The following CANX variants were observed in gnomAD, a reference collection of about 807,000 sequenced individuals.
CANX encodes epididymis secretory sperm binding protein.
A neutral mutation model predicts 75.7 loss-of-function variants in CANX; 14 were observed. The ratio of observed to expected loss-of-function variants is 0.19; its 90% CI spans 0.12 to 0.29. The LOEUF (loss-of-function observed/expected upper bound fraction) is 0.29, where lower values mean the gene tolerates loss of function less well. Among genes scored for constraint, CANX ranks in the 10% least tolerant of loss-of-function variants. CANX has a pLI of 1.00. For missense variants in CANX, 567 were observed against 713.2 expected (o/e 0.79, Z 2.34); for synonymous variants, 227 against 236.9 (o/e 0.96, Z 0.38).
At position 179,706,290 on chromosome 5, in the gene CANX, A is replaced by T. The variant is rs1777133788; in HGVS notation, c.204A>T (p.Glu68Asp). 1 of 1,601,182 alleles carries T rather than the reference A, an allele frequency of 6.2e-7. No homozygotes were observed. Among genetic ancestry groups the T allele is most frequent in the African/African-American group, 1.3e-5 (1 of 74,666 alleles). ...VTYKAPVPTGEVYFADSFDRG... is the reference protein window; with the variant it reads ...VTYKAPVPTGDVYFADSFDRG... ...ACAAAGCTCCAGTTCCAACAGGGGA[A>T]GTATATTTTGCTGATTCTTTTGACA... Residue 68 changes from glutamate (E) to aspartate (D), a missense_variant, in exon 3 of 15, where the codon GAA becomes GAT. Glu to Asp is a conservative substitution (Grantham distance 45). Coordinates refer to ENST00000247461, the MANE Select transcript of CANX (RefSeq NM_001746.4).
chr5:179,679,626 C>T (rs184691688), intron 1 of CANX, among the ~76,000 whole-genome samples: 96 of 152,090 alleles, frequency 6.3e-4, no homozygotes, highest in African/African-American at 2.2e-3. Flanking sequence ...AAATGGAGAA[C>T]TTCTAGGCAG....
upstream of CANX, among the ~76,000 whole-genome samples, chr5:179,695,652 T>A (rs1279873655): frequency 9.4e-5 from 14 of 148,798 alleles, no homozygotes; most frequent in Non-Finnish European, 1.8e-4. Context: ...TTATTTATTT[T>A]TATTTTTATT....
chr5:179,678,772 C>T (rs747878847), exon 1 of CANX: 3 of 1,536,972 alleles, frequency 2.0e-6, no homozygotes, highest in African/African-American at 2.7e-5. Flanking sequence ...CCTGCTGCAG[C>T]TTCAGGTAGT....
intron 7 of CANX, among the ~76,000 whole-genome samples, chr5:179,711,488 G>C (rs181619789): frequency 9.0e-4 from 136 of 151,750 alleles, no homozygotes; most frequent in African/African-American, 3.2e-3. Flanking sequence ...ATAATTTTAA[G>C]AATAGAATAG....
At chr5:179,698,534 C>G (rs1008387784), upstream of CANX, 83 of 1,289,446 alleles carry the variant, frequency 6.4e-5, 1 homozygote, top group Admixed American at 1.9e-3. Flanking sequence ...CCCCTTTTGC[C>G]GGCTGCCGTT....
intron 7 of CANX, among the ~76,000 whole-genome samples, chr5:179,714,785 G>A (rs1028367278): frequency 2.0e-5 from 3 of 152,268 alleles, no homozygotes; most frequent in Admixed American, 1.3e-4. Context: ...CCAAAGTGCT[G>A]GGATTACAGG....
intron 3 of CANX, 47 bp from the exon 4 acceptor site, chr5:179,707,085 A>G (rs368684623): frequency 1.8e-6 from 2 of 1,141,708 alleles, no homozygotes; most frequent in African/African-American, 3.0e-5. Flanking sequence ...TTTCCCTCAC[A>G]AGTCAACTGT....
At chr5:179,684,924 G>GTGTTTTTTTTTTTTT (rs781629512) in intron 1 of CANX, among the ~76,000 whole-genome samples, 1 of 28,982 alleles carries the variant, frequency 3.5e-5, no homozygotes. Context: ...GGCTAATTTT[G>GTGTTTTTTTTTTTTT]TATTTTTTTT....
chr5:179,722,777 G>T lies in CANX; in HGVS notation c.1183-27G>T, dbSNP rs369983620. 42 of 1,510,750 alleles carry T rather than the reference G, an allele frequency of 2.8e-5. No individual in the cohort carries two copies. In the African/African-American group the frequency reaches 5.1e-4, roughly 18 times the overall value. The allele number at this position is 1,510,750 out of a possible 1,614,324, so 93.6% of individuals were successfully genotyped here. On this transcript the variant is annotated intron_variant, in intron 10 of 14. Coordinates refer to ENST00000247461, the MANE Select transcript of CANX (RefSeq NM_001746.4). ...ACTTTTGTTGATCATTATCTGAAAT[G>T]ATTTTCTGAAACATTTTTTTTTCTA...
Position 179,729,704 on chromosome 5 carries a change from A to G in CANX, c.*1060A>G, listed in dbSNP as rs755249769. On this transcript the variant is annotated 3_prime_UTR_variant, in exon 15 of 15. Transcript: ENST00000247461. ...CCATACCTTTCCAGGGTCAAAGTACAGAATAGAATACATTGATACAAAGTA... is the reference window on the plus strand; with the variant it reads ...CCATACCTTTCCAGGGTCAAAGTACGGAATAGAATACATTGATACAAAGTA... 8.5e-5 allele frequency: 13 copies of G among 152,670 alleles called. No individual in the cohort carries two copies. Among genetic ancestry groups the G allele is most frequent in the Non-Finnish European group, 1.6e-4 (11 of 68,052 alleles). The allele number at this position is 152,670 out of a possible 1,614,324, so 9.5% of individuals were successfully genotyped here.
rs774468699 is a variant in CANX, at chr5:179,719,764, A to G, written c.1008A>G (p.Ala336=). Residue 336 remains alanine (A), a synonymous_variant, in exon 9 of 15, where the codon GCA becomes GCG. Transcript: ENST00000247461. ...DEPEYVPDPD[A]EKPEDWDEDM... The stretch of plus-strand genomic sequence containing the variant: ...CTGAGTACGTACCTGATCCAGACGC[A>G]GAGAAACCTGAGGATTGGTAAGAAC... 2 of 1,599,938 alleles carry G rather than the reference A, an allele frequency of 1.3e-6. No homozygotes were observed. The highest frequency in any genetic ancestry group is 1.7e-6 in the Non-Finnish European group (2 of 1,169,354).
intron 1 of CANX, among the ~76,000 whole-genome samples, chr5:179,692,220 A>G (rs1234800588): frequency 2.0e-5 from 3 of 151,874 alleles, no homozygotes; most frequent in Non-Finnish European, 4.4e-5. Context: ...GACTACAGGT[A>G]CGCACCACCA....
chr5:179,724,346 C>A (rs1562516420), intron 12 of CANX, among the ~76,000 whole-genome samples: 1 of 152,038 alleles, frequency 6.6e-6, no homozygotes, highest in South Asian at 2.1e-4. Flanking sequence ...GTAACTGGAT[C>A]CCAAGTTCCT....
chr5:179,714,237 A>G (rs1209693839), intron 7 of CANX, among the ~76,000 whole-genome samples: 1 of 152,130 alleles, frequency 6.6e-6, no homozygotes, highest in Non-Finnish European at 1.5e-5. Flanking sequence ...CCAACCTCAA[A>G]TGATGGGCCT....
intron 1 of CANX, among the ~76,000 whole-genome samples, chr5:179,691,350 G>A (rs1488993686): frequency 6.6e-6 from 1 of 152,046 alleles, no homozygotes; most frequent in African/African-American, 2.4e-5. Flanking sequence ...AACACTGTGT[G>A]GCTGGTTAAT....
chr5:179,701,964 C>T (rs1334065195), intron 1 of CANX, among the ~76,000 whole-genome samples: 7 of 151,866 alleles, frequency 4.6e-5, no homozygotes, highest in Non-Finnish European at 1.0e-4. Context: ...TGGTTGCGAA[C>T]TCCTGAGCTC....
chr5:179,715,073 CAA>C (rs895738059), intron 7 of CANX, among the ~76,000 whole-genome samples: 20 of 152,194 alleles, frequency 1.3e-4, no homozygotes, highest in African/African-American at 4.6e-4. Flanking sequence ...TTCTTAACAA[CAA>C]AAGAGTGTGA....
intron 5 of CANX, 44 bp downstream of exon 5, chr5:179,708,424 A>G: frequency 6.4e-7 from 1 of 1,553,252 alleles, no homozygotes; most frequent in Non-Finnish European, 8.8e-7. Context: ...GCAAAGGGTA[A>G]TCTTAGAAGA....
upstream of CANX, among the ~76,000 whole-genome samples, chr5:179,695,618 T>C (rs1214427422): frequency 2.0e-5 from 3 of 152,008 alleles, no homozygotes; most frequent in South Asian, 2.1e-4. Context: ...CGTGAGCCAC[T>C]GTGCCTGGCC....
Sources: allele counts gnomAD v4.1 joint callset (sites outside exome capture counted in the v4.1 genomes callset), GRCh38; gene constraint gnomAD v4.1.1; transcripts MANE v1.5; gene names NCBI Gene and HGNC (gene_info 2026-07-23, HGNC 2026-07-21).